Variants in OLAH observed in about 807,000 individuals in gnomAD.
OLAH encodes the protein oleoyl-ACP hydrolase, also known as S-acyl fatty acid synthase thioesterase, medium chain.
A neutral mutation model predicts 27.8 loss-of-function variants in OLAH; 33 were observed. The ratio of observed to expected loss-of-function variants is 1.19; its 90% CI spans 0.90 to 1.59. The LOEUF (loss-of-function observed/expected upper bound fraction) is 1.59, where lower values mean the gene tolerates loss of function less well. OLAH is among the 40% of genes most tolerant of loss of function. OLAH has a pLI of 0.00. For missense variants in OLAH, 359 were observed against 310.8 expected (o/e 1.16, Z -1.17); for synonymous variants, 120 against 102.9 (o/e 1.17, Z -1.01).
chr10:15,053,848 G>C (rs1333014754), intron 3 of OLAH, among the ~76,000 whole-genome samples: 2 of 151,914 alleles, frequency 1.3e-5, no homozygotes, highest in Non-Finnish European at 1.5e-5. Context: ...CCAACTAGCT[G>C]GGAACACAAG....
intron 3 of OLAH, among the ~76,000 whole-genome samples, chr10:15,053,958 C>T (rs1844195509): frequency 6.6e-6 from 1 of 151,616 alleles, no homozygotes; most frequent in African/African-American, 2.4e-5. Context: ...TGGTATTGTA[C>T]TCAGTCAAGG....
intron 6 of OLAH, among the ~76,000 whole-genome samples, chr10:15,070,716 G>A (rs1844566850): frequency 6.6e-6 from 1 of 151,632 alleles, no homozygotes; most frequent in Non-Finnish European, 1.5e-5. Flanking sequence ...CCCAACCTCA[G>A]GTGATCCACC....
At chr10:15,044,211 C>A (rs1158545815) in intron 1 of OLAH, among the ~76,000 whole-genome samples, 2 of 151,986 alleles carry the variant, frequency 1.3e-5, no homozygotes, top group Non-Finnish European at 2.9e-5. Flanking sequence ...TTCTATGTTT[C>A]TTTCCCTTGC....
intron 1 of OLAH, among the ~76,000 whole-genome samples, chr10:15,045,324 C>T (rs1843994310): frequency 6.6e-6 from 1 of 152,170 alleles, no homozygotes; most frequent in Non-Finnish European, 1.5e-5. Context: ...TTTATGAAAA[C>T]TTTGTAATGC....
At chr10:15,058,635 A>G (rs978725562) in intron 3 of OLAH, among the ~76,000 whole-genome samples, 5 of 152,232 alleles carry the variant, frequency 3.3e-5, no homozygotes, top group African/African-American at 1.2e-4. Context: ...GGGAAAAACA[A>G]AATGATAAAA....
intron 3 of OLAH, among the ~76,000 whole-genome samples, chr10:15,060,557 T>C (rs1437659504): frequency 6.6e-6 from 1 of 152,002 alleles, no homozygotes; most frequent in African/African-American, 2.4e-5. Context: ...GTTAATCCCA[T>C]CTGGTGTTTT....
At chr10:15,067,300 C>G (rs747921354) in intron 6 of OLAH, among the ~76,000 whole-genome samples, 1 of 152,284 alleles carries the variant, frequency 6.6e-6, no homozygotes, top group East Asian at 1.9e-4. Flanking sequence ...GCTTAGCAGA[C>G]TGAAACCCTG....
chr10:15,047,463 G>A, intron 2 of OLAH, 143 bp downstream of exon 2: 1 of 804,356 alleles, frequency 1.2e-6, no homozygotes, highest in Non-Finnish European at 2.1e-6. Context: ...GGGAGCCTGA[G>A]GCAGGTGAAT....
intron 3 of OLAH, among the ~76,000 whole-genome samples, chr10:15,050,150 G>C (rs966254857): frequency 1.3e-5 from 2 of 152,244 alleles, no homozygotes; most frequent in African/African-American, 4.8e-5. Flanking sequence ...AGGCGCAGTG[G>C]CGCACGCTTG....
At chr10:15,050,821 G>A (rs938483637) in intron 3 of OLAH, among the ~76,000 whole-genome samples, 13 of 152,082 alleles carry the variant, frequency 8.5e-5, no homozygotes, top group East Asian at 1.9e-4. Flanking sequence ...GATTACAGGC[G>A]TGAGCCACCG....
chr10:15,032,350 T>A (rs1843770725), exon 1 of OLAH: 1 of 151,892 alleles, frequency 6.6e-6, no homozygotes. Flanking sequence ...CGTTGTCATA[T>A]GTAAGTCAAT....
intron 1 of OLAH, among the ~76,000 whole-genome samples, chr10:15,046,880 T>C (rs572071829): frequency 1.3e-5 from 2 of 152,346 alleles, no homozygotes; most frequent in Admixed American, 1.3e-4. Context: ...GCTTGTTTCA[T>C]GGCTAGAGTC....
At position 15,060,309 on chromosome 10, in the gene OLAH, A is replaced by C. The variant is rs148184779; in HGVS notation, c.164-1415A>C. 5.3e-3 allele frequency among the ~76,000 whole-genome samples: 808 copies of C among 152,204 alleles called. 9 individuals carry two copies. Among genetic ancestry groups the C allele is most frequent in the African/African-American group, 0.018 (767 of 41,498 alleles). ...TTCCGCCTCCCAACTAACTGGGACT[A>C]CAGGTGCATGCCACCACGCCCAGCC... On this transcript the variant is annotated intron_variant, in intron 3 of 7. Transcript: ENST00000378228.
intron 3 of OLAH, among the ~76,000 whole-genome samples, chr10:15,056,562 T>C (rs764284998): frequency 6.6e-6 from 1 of 152,172 alleles, no homozygotes; most frequent in African/African-American, 2.4e-5. Context: ...TTTTGATTGC[T>C]TGTCTTTTTC....
chr10:15,070,669 A>G (rs1296238578), intron 6 of OLAH, among the ~76,000 whole-genome samples: 2 of 151,728 alleles, frequency 1.3e-5, no homozygotes, highest in Non-Finnish European at 2.9e-5. Flanking sequence ...TTTAGTAGAG[A>G]CGGGGTTTCC....
chr10:15,037,364 T>C (rs1589234199), intron 1 of OLAH, among the ~76,000 whole-genome samples: 1 of 151,874 alleles, frequency 6.6e-6, no homozygotes, highest in Admixed American at 6.6e-5. Context: ...GCGGATCACC[T>C]GAGGTCAGGA....
chr10:15,052,089 C>T (rs1296391567), intron 3 of OLAH, among the ~76,000 whole-genome samples: 2 of 152,140 alleles, frequency 1.3e-5, no homozygotes, highest in East Asian at 1.9e-4. Context: ...TCAAGACTAG[C>T]TTGACCAACA....
intron 1 of OLAH, among the ~76,000 whole-genome samples, chr10:15,046,702 A>G (rs1844024900): frequency 6.6e-6 from 1 of 152,112 alleles, no homozygotes; most frequent in African/African-American, 2.4e-5. Flanking sequence ...TCCTGACCTC[A>G]AGTACTGGGA....
chr10:15,040,499 C>T (rs111926728), upstream of OLAH, among the ~76,000 whole-genome samples: 759 of 152,228 alleles, frequency 5.0e-3, 1 homozygote, highest in Non-Finnish European at 8.1e-3. Flanking sequence ...CTCCTACATT[C>T]CTGGGAAAAG....
Sources: allele counts gnomAD v4.1 joint callset (sites outside exome capture counted in the v4.1 genomes callset), GRCh38; gene constraint gnomAD v4.1.1; transcripts MANE v1.5; gene names NCBI Gene and HGNC (gene_info 2026-07-23, HGNC 2026-07-21).